Variants in SENP1 observed in about 807,000 individuals in gnomAD.
SENP1 encodes the protein sentrin-specific protease 1.
SENP1 carries 21 observed loss-of-function variants against 93.0 expected under a neutral mutation model. The observed-to-expected ratio is 0.23, with a 90% CI of 0.16 to 0.33. The LOEUF (loss-of-function observed/expected upper bound fraction) is 0.33. SENP1 is among the 10% of genes least tolerant of loss of function. The pLI, the probability that SENP1 is intolerant of heterozygous loss-of-function variation, is 1.00. For synonymous variants in SENP1, 256 were observed against 259.6 expected, an observed-to-expected ratio of 0.99 and a Z score of 0.13; for missense variants, 591 against 758.7, an observed-to-expected ratio of 0.78 and a Z score of 2.60.
chr12:48,075,222 A>AAAACC (rs1943984653), intron 6 of SENP1, among the ~76,000 whole-genome samples: 1 of 150,948 alleles, frequency 6.6e-6, no homozygotes. Context: ...CTCAAAAAAC[A>AAAACC]AAACAAAACA....
chr12:48,074,808 A>C lies in SENP1; in HGVS notation c.553-15T>G, dbSNP rs765553253. On this transcript the variant is annotated splice_polypyrimidine_tract_variant and intron_variant, in intron 6 of 17. Transcript: ENST00000549518. ...TCTTGAACTGTCTATAAGAAAACAA[A>C]AAAAAAAAACAGTTTAAACACATCC... 3.0e-4 allele frequency: 456 copies of C among 1,533,910 alleles called. 1 individual carries two copies. The highest frequency in any genetic ancestry group is 5.2e-4 in the Admixed American group (27 of 51,684).
intron 9 of SENP1, among the ~76,000 whole-genome samples, chr12:48,068,610 C>T (rs528219037): frequency 2.0e-4 from 31 of 151,770 alleles, no homozygotes; most frequent in Non-Finnish European, 3.1e-4. Flanking sequence ...TAAAAAAAAG[C>T]GGGGGAGGAA....
chr12:48,049,037 T>C lies in SENP1; in HGVS notation c.1503A>G (p.Leu501=), dbSNP rs1312263566. ...TCACTGCCTGATAACCAGCCGTTTT[T>C]AATTTAGTGAAGAAAAAGGTATTAA... ...HAFNTFFFTK[L]KTAGYQAVKR... is the part of the protein sequence containing the mutation. Residue 501 remains leucine (L), a synonymous_variant, in exon 14 of 18, where the codon TTA becomes TTG. Transcript: ENST00000549518. The C allele has an allele frequency of 6.2e-7, 1 of 1,613,682 alleles. No individual in the cohort carries two copies. Among genetic ancestry groups the C allele is most frequent in the Non-Finnish European group, 8.5e-7 (1 of 1,179,742 alleles).
intron 6 of SENP1, among the ~76,000 whole-genome samples, chr12:48,076,386 G>A (rs59766465): frequency 0.23 from 34,512 of 151,898 alleles, 4,586 homozygotes; most frequent in East Asian, 0.55. Context: ...GTGCAGGTGC[G>A]CCATATCGGC....
intron 17 of SENP1, among the ~76,000 whole-genome samples, chr12:48,046,147 G>A (rs1157726835): frequency 6.6e-6 from 1 of 152,188 alleles, no homozygotes; most frequent in Non-Finnish European, 1.5e-5. Context: ...AATAACTGAG[G>A]TGTGGTAACC....
chr12:48,053,419 A>G (rs375254371), intron 13 of SENP1, among the ~76,000 whole-genome samples: 2 of 149,818 alleles, frequency 1.3e-5, no homozygotes, highest in African/African-American at 4.9e-5. Context: ...TTGAGGCTGC[A>G]GTGAGCTATG....
In SENP1 at chr12:48,043,773, T is replaced by A. The variant is rs1011234258; in HGVS notation, c.*1549A>T. 1.3e-5 allele frequency: 2 copies of A among 152,296 alleles called. No homozygotes were observed. The highest frequency in any genetic ancestry group is 2.9e-5 in the Non-Finnish European group (2 of 67,950). The allele number at this position is 152,296 out of a possible 1,614,324, so 9.4% of individuals were successfully genotyped here. Reference sequence around the variant, plus strand: ...AACATTCAGTTAACAATGGAATATTTAAAAAAAATAGTTTTCTTTTCAAAT... The same window carrying A: ...AACATTCAGTTAACAATGGAATATTAAAAAAAAATAGTTTTCTTTTCAAAT... On this transcript the variant is annotated 3_prime_UTR_variant, in exon 18 of 18. Coordinates refer to ENST00000549518, the MANE Select transcript of SENP1 (RefSeq NM_001267594.2).
chr12:48,083,966 C>A lies in SENP1; in HGVS notation c.381-204G>T, dbSNP rs537880935. Reference sequence around the variant, plus strand: ...AGGTTCTGCCACTTAAAAGATCTTACATTGTCAAAATTATCAAACACTTAA... The same window carrying A: ...AGGTTCTGCCACTTAAAAGATCTTAAATTGTCAAAATTATCAAACACTTAA... On this transcript the variant is annotated intron_variant, in intron 5 of 17. Coordinates refer to ENST00000549518, the MANE Select transcript of SENP1 (RefSeq NM_001267594.2). Among the ~76,000 whole-genome samples the A allele has an allele frequency of 4.6e-5, 7 of 152,286 alleles. No homozygotes were observed. The East Asian group carries it at 1.3e-3, about 29-fold the overall frequency.
intron 6 of SENP1, chr12:48,080,277 A>G (rs1327119637): frequency 3.9e-5 from 6 of 152,206 alleles, no homozygotes; most frequent in Admixed American, 3.9e-4. Flanking sequence ...TAAATTTTCA[A>G]TTTGAATTTG....
chr12:48,062,576 C>G (rs867590967), intron 13 of SENP1, among the ~76,000 whole-genome samples: 5 of 152,278 alleles, frequency 3.3e-5, no homozygotes, highest in African/African-American at 1.2e-4. Flanking sequence ...TATATGGCTC[C>G]TAAGTTCTAT....
intron 6 of SENP1, among the ~76,000 whole-genome samples, chr12:48,077,181 C>T (rs1183757821): frequency 6.6e-6 from 1 of 152,182 alleles, no homozygotes; most frequent in Non-Finnish European, 1.5e-5. Context: ...TTTTGAATAT[C>T]AACCCCTTAT....
At chr12:48,105,153 G>A (rs1946402284) in intron 1 of SENP1, 2 of 271,900 alleles carry the variant, frequency 7.4e-6, no homozygotes, top group Non-Finnish European at 1.5e-5. Flanking sequence ...GTAGATAAAA[G>A]GCTTTATATG....
chr12:48,089,010 T>C, intron 4 of SENP1, 50 bp from the exon 5 acceptor site: 1 of 1,559,604 alleles, frequency 6.4e-7, no homozygotes, highest in Non-Finnish European at 8.7e-7. Flanking sequence ...CAGGTGGTTC[T>C]CCTTATGACT....
chr12:48,064,914 T>G (rs1277904361), intron 12 of SENP1, 151 bp downstream of exon 12: 4 of 567,334 alleles, frequency 7.1e-6, no homozygotes, highest in Non-Finnish European at 1.2e-5. Context: ...TAACCTCAAG[T>G]GATCCACCCG....
At chr12:48,076,504 T>A (rs974980202) in intron 6 of SENP1, among the ~76,000 whole-genome samples, 7 of 151,896 alleles carry the variant, frequency 4.6e-5, no homozygotes, top group Admixed American at 1.3e-4. Flanking sequence ...TTTTTTTTTT[T>A]AATTTTTAGT....
chr12:48,065,111 C>G lies in SENP1; in HGVS notation c.1229G>C (p.Gly410Ala). ...ATCTTCACTATCAGTTAATTTATGA[C>G]CTTTTTTTTGTGTTTCTTGGACAAC... is the stretch of plus-strand genomic sequence containing the variant. The part of the protein sequence containing the change: ...VTVVQETQKK[G>A]HKLTDSEDEF... The change falls in exon 12 of 18, where the codon GGT becomes GCT. Residue 410 changes from glycine to alanine, a missense_variant. Transcript: ENST00000549518. The G allele has an allele frequency of 6.2e-7, 1 of 1,608,888 alleles. No individual in the cohort carries two copies. Among genetic ancestry groups the G allele is most frequent in the Non-Finnish European group, 8.5e-7 (1 of 1,175,426 alleles).
intron 8 of SENP1, among the ~76,000 whole-genome samples, chr12:48,072,878 G>C (rs962181103): frequency 1.3e-5 from 2 of 151,938 alleles, no homozygotes; most frequent in African/African-American, 4.8e-5. Context: ...ACTGGTGGGG[G>C]GCGGGTCTTG....
chr12:48,069,186 A>G (rs1027750870), intron 9 of SENP1, among the ~76,000 whole-genome samples: 2 of 151,452 alleles, frequency 1.3e-5, no homozygotes, highest in African/African-American at 4.8e-5. Context: ...AAAGAAAGAA[A>G]GAAAAGGAAG....
intron 4 of SENP1, among the ~76,000 whole-genome samples, chr12:48,094,082 G>A (rs1339523025): frequency 6.6e-6 from 1 of 152,224 alleles, no homozygotes; most frequent in Non-Finnish European, 1.5e-5. Context: ...AGTTAAATAA[G>A]AGTTGAATGA....
Sources: gnomAD v4.1 joint callset for allele counts (sites outside exome capture counted in the v4.1 genomes callset) on GRCh38, gnomAD v4.1.1 for gene constraint, MANE v1.5 for transcripts, NCBI Gene and HGNC (gene_info 2026-07-23, HGNC 2026-07-21) for gene names.